GRIN3A: variants seen among roughly 807,000 people sequenced by gnomAD.
GRIN3A encodes the protein glutamate receptor ionotropic, NMDA 3A.
A neutral mutation model predicts 92.4 loss-of-function variants in GRIN3A; 47 were observed. The ratio of observed to expected loss-of-function variants is 0.51; its 90% CI spans 0.40 to 0.65. The LOEUF (loss-of-function observed/expected upper bound fraction) is 0.65. Among genes scored for constraint, GRIN3A ranks in the 30% least tolerant of loss-of-function variants. The pLI is 0.00. For missense variants in GRIN3A, 1,324 were observed against 1,393.1 expected (o/e 0.95, Z 0.79); for synonymous variants, 527 against 540.6 (o/e 0.97, Z 0.35).
chr9:101,717,523 A>T (rs1255410304), intron 1 of GRIN3A, among the ~76,000 whole-genome samples: 1 of 152,198 alleles, frequency 6.6e-6, no homozygotes, highest in Non-Finnish European at 1.5e-5. Flanking sequence ...AGTGAGTAAA[A>T]CAGGAAGTTA....
chr9:101,678,782 C>CACAGACATGGTAATCTCTTTT (rs1829432560), intron 2 of GRIN3A, among the ~76,000 whole-genome samples: 2 of 152,170 alleles, frequency 1.3e-5, no homozygotes, highest in African/African-American at 4.8e-5. Context: ...AAGTCATACA[C>CACAGACATGGTAATCTCTTTT]ACAGACATGG....
At chr9:101,675,279 G>A (rs146172835) in intron 2 of GRIN3A, among the ~76,000 whole-genome samples, 36 of 151,928 alleles carry the variant, frequency 2.4e-4, no homozygotes, top group Middle Eastern at 6.8e-3. Flanking sequence ...TTAAGAATAC[G>A]TAATTTGCAT....
rs113377408 is a variant in GRIN3A at position 101,633,693 on chromosome 9, T to G, written c.2353-5292A>C. ...CTAGGTTGCACATCCCTTACAAGAA[T>G]CTAATGATAAATGTAATATACTTGG... On this transcript the variant is annotated intron_variant, in intron 3 of 8. Transcript: ENST00000361820. Among the ~76,000 whole-genome samples, 43 of 152,260 alleles carry G rather than the reference T, an allele frequency of 2.8e-4. 1 individual carries two copies. Among genetic ancestry groups the G allele is most frequent in the African/African-American group, 1.0e-3 (43 of 41,546 alleles).
Position 101,737,235 on chromosome 9 carries a change from C to T in GRIN3A, c.699+46G>A, listed in dbSNP as rs370278422. The T allele has an allele frequency of 2.6e-5, 39 of 1,527,958 alleles. No homozygotes were observed. The African/African-American group carries it at 3.0e-4, about 12-fold the overall frequency. The allele number at this position is 1,527,958 out of a possible 1,614,324, so 94.7% of individuals were successfully genotyped here. On this transcript the variant is annotated intron_variant, in intron 1 of 8. Transcript: ENST00000361820. Reference sequence around the variant, plus strand: ...CTCTCCCCTCATGCAATGGCCCCGGCCCCCAGCAGCGCCCATCTCCACTCC... The same window carrying T: ...CTCTCCCCTCATGCAATGGCCCCGGTCCCCAGCAGCGCCCATCTCCACTCC...
At position 101,573,195 on chromosome 9, in the gene GRIN3A, T is replaced by G. The variant is rs1827782703; in HGVS notation, c.3327A>C (p.Thr1109=). The G allele has an allele frequency of 6.2e-7, 1 of 1,613,992 alleles. No homozygotes were observed. The highest frequency in any genetic ancestry group is 2.2e-5 in the East Asian group (1 of 44,878). Reference sequence around the variant, plus strand: ...TCACCTAGGACTCACAAGTCCGACTTGTCCTTTGATACTCCTCCAGCTCCG... The same window carrying G: ...TCACCTAGGACTCACAAGTCCGACTGGTCCTTTGATACTCCTCCAGCTCCG... The part of the protein sequence containing the change: ...RKTELEEYQR[T]SRTCES Residue 1109 remains threonine, a synonymous_variant, in exon 9 of 9, where the codon ACA becomes ACC. Transcript: ENST00000361820.
At chr9:101,730,173 T>C (rs572267534) in intron 1 of GRIN3A, among the ~76,000 whole-genome samples, 3 of 152,252 alleles carry the variant, frequency 2.0e-5, no homozygotes, top group Admixed American at 6.5e-5. Flanking sequence ...GCTGACCTAC[T>C]TTGCACACAC....
At chr9:101,605,322 C>G (rs1051256153) in intron 6 of GRIN3A, among the ~76,000 whole-genome samples, 6 of 152,216 alleles carry the variant, frequency 3.9e-5, no homozygotes, top group Non-Finnish European at 7.3e-5. Flanking sequence ...TGTATGTGAT[C>G]TCTATTCTTT....
chr9:101,650,611 G>A (rs1319560461), intron 3 of GRIN3A, among the ~76,000 whole-genome samples: 5 of 151,990 alleles, frequency 3.3e-5, no homozygotes, highest in African/African-American at 4.8e-5. Flanking sequence ...CTATTTATAT[G>A]CTTTTTGTTG....
At chr9:101,649,423 A>G (rs770600355) in intron 3 of GRIN3A, among the ~76,000 whole-genome samples, 2 of 151,974 alleles carry the variant, frequency 1.3e-5, no homozygotes, top group African/African-American at 2.4e-5. Context: ...TGGTTCAGCC[A>G]TATTAGCATC....
intron 3 of GRIN3A, among the ~76,000 whole-genome samples, chr9:101,651,323 C>G (rs140780437): frequency 0.013 from 2,010 of 151,768 alleles, 60 homozygotes; most frequent in Admixed American, 0.06. Context: ...AAAAACAACA[C>G]CAAGCAAACC....
intron 5 of GRIN3A, among the ~76,000 whole-genome samples, chr9:101,615,469 G>A (rs62577380): frequency 7.3e-6 from 1 of 137,792 alleles, no homozygotes; most frequent in Non-Finnish European, 1.5e-5. Context: ...CCATTCTCCC[G>A]CCTCAGCCTC....
chr9:101,697,565 G>A (rs1829699551), intron 1 of GRIN3A, among the ~76,000 whole-genome samples: 1 of 152,158 alleles, frequency 6.6e-6, no homozygotes, highest in South Asian at 2.1e-4. Context: ...TAACATTTGG[G>A]TTTCATCTGG....
chr9:101,666,453 G>A (rs535859855), intron 3 of GRIN3A, among the ~76,000 whole-genome samples: 2 of 152,026 alleles, frequency 1.3e-5, no homozygotes, highest in African/African-American at 4.8e-5. Context: ...GAGAACTCAT[G>A]GACACATAGA....
chr9:101,628,721 A>T (rs1324557871), intron 3 of GRIN3A, among the ~76,000 whole-genome samples: 1 of 152,200 alleles, frequency 6.6e-6, no homozygotes, highest in African/African-American at 2.4e-5. Context: ...TGTAAACTGC[A>T]TATCAGACAA....
chr9:101,711,532 G>A (rs1196840518), intron 1 of GRIN3A, among the ~76,000 whole-genome samples: 1 of 152,162 alleles, frequency 6.6e-6, no homozygotes, highest in Non-Finnish European at 1.5e-5. Context: ...TGCCAGTAGA[G>A]GCCACTAGGG....
chr9:101,617,631 T>TG lies in GRIN3A; in HGVS notation c.2615-4105_2615-4104insC, dbSNP rs1554717891. On this transcript the variant is annotated intron_variant, in intron 5 of 8. Coordinates refer to ENST00000361820, the MANE Select transcript of GRIN3A (RefSeq NM_133445.3). Reference sequence around the variant, plus strand: ...TTTTATTTTATTTTATTTATTTATTTTGTGTGTGTGTGTGTGTTTTTCTTT... The same window carrying TG: ...TTTTATTTTATTTTATTTATTTATTTGTGTGTGTGTGTGTGTGTTTTTCTTT... Among the ~76,000 whole-genome samples the TG allele has an allele frequency of 7.4e-3, 1,116 of 151,608 alleles. 9 individuals carry two copies. The highest frequency in any genetic ancestry group is 0.011 in the African/African-American group (461 of 41,324).
chr9:101,596,501 T>C (rs1161086939), intron 6 of GRIN3A, among the ~76,000 whole-genome samples: 2 of 152,184 alleles, frequency 1.3e-5, no homozygotes, highest in Non-Finnish European at 2.9e-5. Context: ...CTCTAAATGA[T>C]ACCAACCACT....
chr9:101,688,651 G>A (rs75613148), intron 1 of GRIN3A, among the ~76,000 whole-genome samples: 16 of 152,164 alleles, frequency 1.1e-4, no homozygotes, highest in African/African-American at 3.9e-4. Context: ...GCCAGGCACG[G>A]TGGCTTGTGC....
In GRIN3A at chr9:101,686,693, C is replaced by T; in HGVS notation, c.1207G>A (p.Ala403Thr). The change falls in exon 2 of 9, where the codon GCC becomes ACC. Residue 403 changes from alanine to threonine, a missense_variant. Coordinates refer to ENST00000361820, the MANE Select transcript of GRIN3A (RefSeq NM_133445.3). ...GCAAGTTCTGGTTGGATCATGGTGGCTGTGGCTACAGCTCTTGCGACCAGC... is the reference window on the plus strand; with the variant it reads ...GCAAGTTCTGGTTGGATCATGGTGGTTGTGGCTACAGCTCTTGCGACCAGC... ...MELVARAVAT[A>T]TMIQPELALI... 1.9e-6 allele frequency: 3 copies of T among 1,614,186 alleles called. No homozygotes were observed. The highest frequency in any genetic ancestry group is 2.5e-6 in the Non-Finnish European group (3 of 1,180,038).
Sources: gnomAD v4.1 joint callset for allele counts (sites outside exome capture counted in the v4.1 genomes callset) on GRCh38, gnomAD v4.1.1 for gene constraint, MANE v1.5 for transcripts, NCBI Gene and HGNC (gene_info 2026-07-23, HGNC 2026-07-21) for gene names.